NPHP1: variants seen among roughly 807,000 people sequenced by gnomAD.
The protein encoded by NPHP1 is nephrocystin-1.
A neutral mutation model predicts 90.4 loss-of-function variants in NPHP1; 70 were observed. That is an observed-to-expected ratio of 0.77 (90% CI 0.64 to 0.95). The LOEUF (loss-of-function observed/expected upper bound fraction) is 0.95, where lower values mean the gene tolerates loss of function less well. NPHP1 is among the 40% of genes least tolerant of loss of function. The pLI is 0.00. For synonymous variants in NPHP1, 256 were observed against 271.7 expected (o/e 0.94, Z 0.57); for missense variants, 764 against 795.9 (o/e 0.96, Z 0.48).
chr2:110,137,493 C>A (rs1000322287), intron 16 of NPHP1, among the ~76,000 whole-genome samples: 4 of 152,078 alleles, frequency 2.6e-5, no homozygotes, highest in Admixed American at 1.3e-4. Flanking sequence ...AAACAAACAA[C>A]CCCATCAAAA....
intron 2 of NPHP1, among the ~76,000 whole-genome samples, chr2:110,199,524 G>C (rs1685419662): frequency 6.6e-6 from 1 of 152,058 alleles, no homozygotes. Context: ...CTCGTGGCGG[G>C]GGAGGGGGGC....
intron 11 of NPHP1, among the ~76,000 whole-genome samples, chr2:110,154,287 T>C (rs1681724637): frequency 6.6e-6 from 1 of 152,144 alleles, no homozygotes; most frequent in South Asian, 2.1e-4. Flanking sequence ...CTCAGACACG[T>C]GGAACTGTAA....
At chr2:110,164,360 C>T (rs1682556233) in intron 8 of NPHP1, 14 of 625,214 alleles carry the variant, frequency 2.2e-5, no homozygotes, top group Non-Finnish European at 3.9e-5. Context: ...TTATTAAAGG[C>T]TTTCAGGATT....
chr2:110,189,403 A>G (rs949042755), intron 2 of NPHP1, among the ~76,000 whole-genome samples: 5 of 151,590 alleles, frequency 3.3e-5, no homozygotes, highest in Admixed American at 2.0e-4. Flanking sequence ...TGAGTGTTAC[A>G]GCTCTTAAGG....
intron 9 of NPHP1, 36 bp downstream of exon 9, chr2:110,163,011 TG>T: frequency 2.1e-6 from 3 of 1,419,822 alleles, no homozygotes; most frequent in Non-Finnish European, 2.0e-6. Context: ...TTGACTGCTT[TG>T]CTGAAAGAGT....
At chr2:110,184,453 A>G in intron 2 of NPHP1, 3 of 722,828 alleles carry the variant, frequency 4.2e-6, no homozygotes, top group Admixed American at 2.3e-5. Context: ...AAGAGCTTCA[A>G]TGTGCCTGCT....
intron 10 of NPHP1, among the ~76,000 whole-genome samples, chr2:110,160,933 T>TA (rs1347217039): frequency 6.6e-6 from 1 of 152,034 alleles, no homozygotes; most frequent in Non-Finnish European, 1.5e-5. Context: ...TTGGGAGGGA[T>TA]AGGAGGGCAG....
At chr2:110,144,596 G>A (rs755025861) in intron 14 of NPHP1, 27 bp from the exon 15 acceptor site, 7 of 1,377,536 alleles carry the variant, frequency 5.1e-6, no homozygotes, top group Admixed American at 3.4e-5. Context: ...TACAATGACA[G>A]ATATAAGCTG....
chr2:110,192,172 G>A (rs1215525880), intron 2 of NPHP1, among the ~76,000 whole-genome samples: 1 of 152,184 alleles, frequency 6.6e-6, no homozygotes, highest in Non-Finnish European at 1.5e-5. Context: ...ACTTTCATGA[G>A]TTGAGAGAAG....
intron 11 of NPHP1, among the ~76,000 whole-genome samples, chr2:110,151,779 A>G (rs912448190): frequency 6.6e-6 from 1 of 152,160 alleles, no homozygotes; most frequent in Non-Finnish European, 1.5e-5. Flanking sequence ...GTAAGACTGC[A>G]TGTTATTCTA....
chr2:110,173,762 C>CTCAT (rs1370554126), intron 4 of NPHP1, among the ~76,000 whole-genome samples: 5 of 152,084 alleles, frequency 3.3e-5, no homozygotes, highest in Non-Finnish European at 7.4e-5. Context: ...CACTTAATGA[C>CTCAT]TCATTTCTCA....
chr2:110,189,857 A>G (rs957708896), intron 2 of NPHP1, among the ~76,000 whole-genome samples: 3 of 152,158 alleles, frequency 2.0e-5, no homozygotes, highest in Admixed American at 2.0e-4. Context: ...CGATGGGTGC[A>G]TTCACAAACC....
At chr2:110,197,467 CTA>C (rs1685250015) in intron 2 of NPHP1, among the ~76,000 whole-genome samples, 1 of 152,090 alleles carries the variant, frequency 6.6e-6, no homozygotes, top group African/African-American at 2.4e-5. Context: ...CCACTGGCAC[CTA>C]TGTTCTCAGC....
At chr2:110,185,001 GT>G in intron 2 of NPHP1, 1 of 617,186 alleles carries the variant, frequency 1.6e-6, no homozygotes, top group Non-Finnish European at 3.1e-6. Flanking sequence ...TTGTTCAAAG[GT>G]TTTGGTGACA....
rs1383438507 is a variant in NPHP1, at chr2:110,146,760, G to A, written c.1345C>T (p.Pro449Ser). The stretch of plus-strand genomic sequence containing the variant: ...AATATATAGCCAACTTACTTTGCTG[G>A]AATAGGAACTCCACTGGCATCAAAA... ...KLFDASGVPI[P>S]AKTYELFLNG... Residue 449 changes from proline to serine, a missense_variant, in exon 14 of 20, where the codon CCA becomes TCA. Coordinates refer to ENST00000445609, the MANE Select transcript of NPHP1 (RefSeq NM_001128178.3). 1 of 1,610,270 alleles carries A rather than the reference G, an allele frequency of 6.2e-7. No homozygotes were observed. The highest frequency in any genetic ancestry group is 8.5e-7 in the Non-Finnish European group (1 of 1,176,660).
chr2:110,158,806 C>T (rs1220842619), intron 11 of NPHP1, among the ~76,000 whole-genome samples: 1 of 151,874 alleles, frequency 6.6e-6, no homozygotes, highest in Non-Finnish European at 1.5e-5. Flanking sequence ...CTTTAGAAAA[C>T]TGAGTTATCT....
intron 14 of NPHP1, 56 bp downstream of exon 14, chr2:110,146,697 T>C: frequency 7.5e-7 from 1 of 1,329,470 alleles, no homozygotes; most frequent in Non-Finnish European, 1.1e-6. Context: ...ATCAAGAGTC[T>C]AAAAAATGAA....
intron 19 of NPHP1, chr2:110,124,339 C>A: frequency 1.9e-6 from 1 of 516,270 alleles, no homozygotes; most frequent in South Asian, 2.1e-5. Context: ...GGGTGTCTCA[C>A]ACATTCTGTC....
chr2:110,157,727 C>T (rs1288098572), intron 11 of NPHP1, among the ~76,000 whole-genome samples: 4 of 152,116 alleles, frequency 2.6e-5, no homozygotes, highest in Admixed American at 6.5e-5. Flanking sequence ...TCATCTCCAC[C>T]TCCACCTCTC....
Sources: allele counts gnomAD v4.1 joint callset (sites outside exome capture counted in the v4.1 genomes callset), GRCh38; gene constraint gnomAD v4.1.1; transcripts MANE v1.5; gene names NCBI Gene and HGNC (gene_info 2026-07-23, HGNC 2026-07-21).